Variants in ARHGAP24 observed in about 807,000 individuals in gnomAD.
The protein encoded by ARHGAP24 is Rho GTPase activating protein 24.
ARHGAP24 carries 50 observed loss-of-function variants against 76.4 expected under a neutral mutation model. That is an observed-to-expected ratio of 0.65 (90% confidence interval 0.52 to 0.83). ARHGAP24 has a LOEUF of 0.83. Ranked by LOEUF, ARHGAP24 falls within the 40% of genes least tolerant of loss-of-function variation. The pLI is 0.00. For synonymous variants in ARHGAP24, 345 were observed against 323.3 expected, an observed-to-expected ratio of 1.07 and a Z score of -0.72; for missense variants, 930 against 914.2, an observed-to-expected ratio of 1.02 and a Z score of -0.22.
intron 3 of ARHGAP24, among the ~76,000 whole-genome samples, chr4:85,760,024 G>T (rs1353387506): frequency 1.3e-5 from 2 of 151,196 alleles, no homozygotes; most frequent in Non-Finnish European, 3.0e-5. Flanking sequence ...GTTTCATTTG[G>T]TAAAAATCAA....
At chr4:85,811,433 G>A (rs1463430374) in intron 3 of ARHGAP24, among the ~76,000 whole-genome samples, 1 of 152,140 alleles carries the variant, frequency 6.6e-6, no homozygotes, top group African/African-American at 2.4e-5. Flanking sequence ...CTAGGGTAGT[G>A]AGCTGCCCAG....
At chr4:85,577,848 A>T (rs1321415491) in intron 2 of ARHGAP24, among the ~76,000 whole-genome samples, 1 of 152,288 alleles carries the variant, frequency 6.6e-6, no homozygotes, top group Admixed American at 6.5e-5. Flanking sequence ...TATGGCAAAG[A>T]AAAGGTGTAG....
intron 3 of ARHGAP24, among the ~76,000 whole-genome samples, chr4:85,755,777 C>T (rs990962058): frequency 4.6e-5 from 7 of 151,236 alleles, no homozygotes; most frequent in African/African-American, 1.2e-4. Context: ...GGATTACAGG[C>T]GCCCGCCACT....
At chr4:85,865,551 T>C (rs1435484390) in intron 3 of ARHGAP24, among the ~76,000 whole-genome samples, 1 of 147,048 alleles carries the variant, frequency 6.8e-6, no homozygotes, top group Admixed American at 6.8e-5. Context: ...AATAATTAAT[T>C]ATTATAAAAT....
intron 8 of ARHGAP24, among the ~76,000 whole-genome samples, chr4:85,978,915 C>T (rs1408355934): frequency 1.3e-5 from 2 of 152,164 alleles, no homozygotes; most frequent in African/African-American, 4.8e-5. Flanking sequence ...AAATGGACTT[C>T]CCAGACATTA....
At chr4:85,771,589 G>A (rs1351273760) in intron 3 of ARHGAP24, among the ~76,000 whole-genome samples, 1 of 152,200 alleles carries the variant, frequency 6.6e-6, no homozygotes, top group Non-Finnish European at 1.5e-5. Context: ...AGCATCACTA[G>A]ACCCAGTCAA....
chr4:85,628,773 T>C (rs983913530), intron 2 of ARHGAP24, among the ~76,000 whole-genome samples: 3 of 152,226 alleles, frequency 2.0e-5, no homozygotes, highest in Admixed American at 2.0e-4. Flanking sequence ...GTTTTTGACT[T>C]GCATTCTATC....
At chr4:85,997,822 ATT>A (rs34276670) in intron 9 of ARHGAP24, among the ~76,000 whole-genome samples, 15 of 149,202 alleles carry the variant, frequency 1.0e-4, no homozygotes, top group African/African-American at 3.4e-4. Flanking sequence ...TGACTGGATA[ATT>A]TTTTTTTTTC....
rs80144551 is a variant in ARHGAP24, at chr4:85,546,747, G to A, written c.-20-23775G>A. ...GAAGAACATAATTTGCATCTCATTA[G>A]TATCTTCTTGCACTAAGCCATGTGT... On this transcript the variant is annotated intron_variant, in intron 1 of 9. Coordinates refer to ENST00000395184, the MANE Select transcript of ARHGAP24 (RefSeq NM_001025616.3). Among the ~76,000 whole-genome samples the A allele has an allele frequency of 5.1e-3, 772 of 152,206 alleles. 10 individuals carry two copies. The highest frequency in any genetic ancestry group is 0.018 in the African/African-American group (741 of 41,536).
At chr4:85,611,459 A>T (rs938681248) in intron 2 of ARHGAP24, among the ~76,000 whole-genome samples, 1 of 152,246 alleles carries the variant, frequency 6.6e-6, no homozygotes, top group African/African-American at 2.4e-5. Context: ...CTTAAGAAAA[A>T]TGACAGCTTT....
intron 3 of ARHGAP24, among the ~76,000 whole-genome samples, chr4:85,912,864 T>G (rs565688247): frequency 6.6e-6 from 1 of 152,314 alleles, no homozygotes; most frequent in African/African-American, 2.4e-5. Context: ...TTTTTTTTTC[T>G]TTCAATAATT....
At chr4:85,540,379 C>G (rs1327140144) in intron 1 of ARHGAP24, among the ~76,000 whole-genome samples, 1 of 152,164 alleles carries the variant, frequency 6.6e-6, no homozygotes, top group African/African-American at 2.4e-5. Context: ...GATGCACCTA[C>G]TAAGAATACT....
At chr4:85,528,952 T>C (rs929118489) in intron 1 of ARHGAP24, among the ~76,000 whole-genome samples, 1 of 152,018 alleles carries the variant, frequency 6.6e-6, no homozygotes, top group African/African-American at 2.4e-5. Context: ...ATTTCATTGA[T>C]GCTTGTCTAT....
rs181497146 is a variant in ARHGAP24, at chr4:85,937,020, A to G, written c.392-5046A>G. ...TCAGCTTGTGGGGATTTTATTTTAT[A>G]AAAAGGAATGTGGTTGCAAAGACAA... On this transcript the variant is annotated intron_variant, in intron 4 of 9. Coordinates refer to ENST00000395184, the MANE Select transcript of ARHGAP24 (RefSeq NM_001025616.3). Among the ~76,000 whole-genome samples the G allele has an allele frequency of 1.4e-4, 21 of 152,306 alleles. No homozygotes were observed. In the East Asian group the frequency reaches 3.3e-3, roughly 24 times the overall value.
intron 9 of ARHGAP24, among the ~76,000 whole-genome samples, chr4:85,997,894 T>C (rs1163731932): frequency 6.6e-6 from 1 of 152,132 alleles, no homozygotes; most frequent in Non-Finnish European, 1.5e-5. Context: ...TGACCTCAAA[T>C]GATCCACCCA....
chr4:85,874,866 TTTTTATATAATTTATATATAAATATA>T (rs1560688167), intron 3 of ARHGAP24, among the ~76,000 whole-genome samples: 25 of 48,794 alleles, frequency 5.1e-4, no homozygotes, highest in Middle Eastern at 0.01. Context: ...TATAAATATA[TTTTTATATAATTTATATATAAATATA>T]TTTTATATAA....
chr4:85,477,164 G>T (rs1182250732), intron 1 of ARHGAP24, among the ~76,000 whole-genome samples: 2 of 152,068 alleles, frequency 1.3e-5, no homozygotes, highest in Admixed American at 1.3e-4. Flanking sequence ...GTATTTGGAA[G>T]GAATATAAAA....
intron 5 of ARHGAP24, among the ~76,000 whole-genome samples, chr4:85,961,795 C>T (rs1198629161): frequency 2.0e-5 from 3 of 152,038 alleles, no homozygotes; most frequent in African/African-American, 7.2e-5. Context: ...CGTGCATACA[C>T]ACACACACAT....
chr4:85,681,068 C>A (rs1723186148), intron 2 of ARHGAP24, among the ~76,000 whole-genome samples: 1 of 152,076 alleles, frequency 6.6e-6, no homozygotes, highest in Non-Finnish European at 1.5e-5. Context: ...TCTCAAAATT[C>A]AACAGAGCCT....
Sources: gnomAD v4.1 joint callset for allele counts (sites outside exome capture counted in the v4.1 genomes callset) on GRCh38, gnomAD v4.1.1 for gene constraint, MANE v1.5 for transcripts, NCBI Gene and HGNC (gene_info 2026-07-23, HGNC 2026-07-21) for gene names.